The following UBAC1 variants were observed in gnomAD, a reference collection of about 807,000 sequenced individuals.
The protein encoded by UBAC1 is UBA domain containing 1, also known as ubiquitin-associated domain-containing protein 1.
Under a neutral mutation model 45.9 loss-of-function variants are expected in UBAC1, and 27 were observed. The observed-to-expected ratio is 0.59, with a 90% confidence interval of 0.43 to 0.81. UBAC1 has a LOEUF of 0.81. Ranked by LOEUF, UBAC1 falls within the 30% of genes least tolerant of loss-of-function variation. The pLI is 0.00. For missense variants in UBAC1, 529 were observed against 539.2 expected (o/e 0.98, Z 0.19); for synonymous variants, 227 against 215.5 (o/e 1.05, Z -0.47).
At chr9:135,959,817 A>C (rs1243625057) in intron 1 of UBAC1, among the ~76,000 whole-genome samples, 4 of 152,208 alleles carry the variant, frequency 2.6e-5, no homozygotes, top group African/African-American at 4.8e-5. Context: ...ACTGGGGCAG[A>C]AGAAAAGCAA....
chr9:135,938,379 C>A lies in UBAC1; in HGVS notation c.964-19G>T. 1 of 1,611,214 alleles carries A rather than the reference C, an allele frequency of 6.2e-7. No homozygotes were observed. Among genetic ancestry groups the A allele is most frequent in the Non-Finnish European group, 8.5e-7 (1 of 1,179,318 alleles). ...ACTCGCACTGCAAAGCCAAGAGCAC[C>A]AATACCACTGTTAGCGCCTTCAGTG... On this transcript the variant is annotated intron_variant, in intron 8 of 9. Coordinates refer to ENST00000371756, the MANE Select transcript of UBAC1 (RefSeq NM_016172.3).
At position 135,945,219 on chromosome 9, in the gene UBAC1, T is replaced by C; in HGVS notation, c.685A>G (p.Ile229Val). The change falls in exon 7 of 10, where the codon ATT becomes GTT. Residue 229 changes from isoleucine to valine, a missense_variant. Physicochemically the swap from Ile to Val is conservative, Grantham distance 29. Transcript: ENST00000371756. ...ATGGTCGGGTCTTCTGCGTGTTCAA[T>C]TAGCCACTCCATGGCCTGAGGCACC... ...MSVPQAMEWL[I>V]EHAEDPTIDT... The C allele has an allele frequency of 6.2e-7, 1 of 1,605,260 alleles. No homozygotes were observed. The highest frequency in any genetic ancestry group is 8.5e-7 in the Non-Finnish European group (1 of 1,175,386).
At chr9:135,934,358 C>G (rs1478049794) in intron 9 of UBAC1, among the ~76,000 whole-genome samples, 1 of 152,152 alleles carries the variant, frequency 6.6e-6, no homozygotes, top group Admixed American at 6.5e-5. Flanking sequence ...TCTCCAAAAA[C>G]CACTTTAAAA....
Position 135,945,942 on chromosome 9 carries a change from G to A in UBAC1, c.600C>T (p.Leu200=), listed in dbSNP as rs1259550849. The change falls in exon 6 of 10, where the codon CTC becomes CTT. Residue 200 remains leucine (L), a synonymous_variant. Coordinates refer to ENST00000371756, the MANE Select transcript of UBAC1 (RefSeq NM_016172.3). ...TGTTCTCCGGAAAGCCCATCTCCGTGAGCTGCCGCAGGGCAGCCTCGTCCA... is the reference window on the plus strand; with the variant it reads ...TGTTCTCCGGAAAGCCCATCTCCGTAAGCTGCCGCAGGGCAGCCTCGTCCA... The part of the protein sequence containing the change: ...ERVDEAALRQ[L]TEMGFPENRA... 3 of 1,613,866 alleles carry A rather than the reference G, an allele frequency of 1.9e-6. No homozygotes were observed. The highest frequency in any genetic ancestry group is 4.5e-5 in the East Asian group (2 of 44,896).
At chr9:135,953,358 C>T (rs1318205777) in intron 3 of UBAC1, among the ~76,000 whole-genome samples, 1 of 152,126 alleles carries the variant, frequency 6.6e-6, no homozygotes, top group Non-Finnish European at 1.5e-5. Context: ...TACTCTGTCG[C>T]CAGGCTGGAG....
chr9:135,947,990 C>A, intron 3 of UBAC1, 85 bp from the exon 4 acceptor site: 1 of 1,262,364 alleles, frequency 7.9e-7, no homozygotes. Context: ...GAGCTCTGCC[C>A]AAGAAAGACT....
At chr9:135,950,387 A>C (rs892785175) in intron 3 of UBAC1, among the ~76,000 whole-genome samples, 5 of 152,244 alleles carry the variant, frequency 3.3e-5, no homozygotes, top group African/African-American at 1.2e-4. Flanking sequence ...CGCAGGCCAG[A>C]GGGATCTGGA....
At chr9:135,949,820 C>T (rs895412495) in intron 3 of UBAC1, among the ~76,000 whole-genome samples, 3 of 152,230 alleles carry the variant, frequency 2.0e-5, no homozygotes, top group African/African-American at 2.4e-5. Context: ...TTACATCACG[C>T]GGCACAGCCG....
At chr9:135,941,553 A>G (rs1320428772) in intron 7 of UBAC1, among the ~76,000 whole-genome samples, 1 of 152,212 alleles carries the variant, frequency 6.6e-6, no homozygotes, top group Non-Finnish European at 1.5e-5. Flanking sequence ...ATAGCCTGGA[A>G]TCTACTGAAT....
intron 6 of UBAC1, 154 bp downstream of exon 6, chr9:135,945,735 T>A: frequency 3.2e-6 from 2 of 619,824 alleles, no homozygotes. Flanking sequence ...AAAAACACTT[T>A]GGAGGCACAT....
intron 1 of UBAC1, among the ~76,000 whole-genome samples, chr9:135,957,011 C>CT (rs540335753): frequency 1.3e-3 from 204 of 152,336 alleles, no homozygotes; most frequent in Non-Finnish European, 1.4e-3. Context: ...TGGCAGCTCA[C>CT]TTTCCACCAC....
At chr9:135,949,577 G>T (rs573949341) in intron 3 of UBAC1, among the ~76,000 whole-genome samples, 1 of 152,220 alleles carries the variant, frequency 6.6e-6, no homozygotes, top group Non-Finnish European at 1.5e-5. Flanking sequence ...TACTGCATAC[G>T]GCTGGCACCC....
chr9:135,961,194 AC>A lies in UBAC1; in HGVS notation c.-33del. ...GCCGCCGCAGGGGCCTGCGCCCGCC[AC>A]CCGGGCCCCTGAAGGTCACCGGGAA... On this transcript the variant is annotated 5_prime_UTR_variant, in exon 1 of 10. Transcript: ENST00000371756. 1 of 1,485,984 alleles carries A rather than the reference AC, an allele frequency of 6.7e-7. No individual in the cohort carries two copies. Among genetic ancestry groups the A allele is most frequent in the South Asian group, 1.3e-5 (1 of 79,478 alleles). The allele number at this position is 1,485,984 out of a possible 1,614,324, so 92.0% of individuals were successfully genotyped here.
intron 2 of UBAC1, among the ~76,000 whole-genome samples, chr9:135,954,734 T>C (rs1169316637): frequency 2.0e-5 from 3 of 152,216 alleles, no homozygotes. Flanking sequence ...ATGCAGCTCA[T>C]CCTCGGCCCA....
intron 2 of UBAC1, chr9:135,953,957 G>A: frequency 3.3e-6 from 1 of 307,572 alleles, no homozygotes; most frequent in East Asian, 6.1e-5. Context: ...TGGCCAACAC[G>A]GTGAAACCCC....
chr9:135,938,430 G>A (rs1839225523), intron 8 of UBAC1, 70 bp from the exon 9 acceptor site: 6 of 1,561,366 alleles, frequency 3.8e-6, no homozygotes, highest in Non-Finnish European at 5.2e-6. Context: ...ACCAGCAGCA[G>A]GCATGACAGC....
chr9:135,946,865 G>A (rs1457309773), intron 4 of UBAC1, among the ~76,000 whole-genome samples: 1 of 152,216 alleles, frequency 6.6e-6, no homozygotes, highest in Non-Finnish European at 1.5e-5. Flanking sequence ...CTGGCTACAG[G>A]GCCTAGAGGT....
chr9:135,953,282 AG>A (rs1839428624), intron 3 of UBAC1, among the ~76,000 whole-genome samples: 1 of 152,120 alleles, frequency 6.6e-6, no homozygotes, highest in Non-Finnish European at 1.5e-5. Flanking sequence ...ACTAGTATAG[AG>A]AACTTCTTTA....
chr9:135,961,277 G>C lies in UBAC1; in HGVS notation c.-115C>G. On this transcript the variant is annotated 5_prime_UTR_variant, in exon 1 of 10. Transcript: ENST00000371756. ...CCGCGCGCTCCTTCGCTGGGCCGCC[G>C]CCCCGCCCCGGCTCCCGTCGGCCGG... 1.1e-6 allele frequency: 1 copy of C among 941,662 alleles called. No homozygotes were observed. Among genetic ancestry groups the C allele is most frequent in the Non-Finnish European group, 1.3e-6 (1 of 759,412 alleles). 58.3% of individuals were successfully genotyped at this position (941,662 alleles called of 1,614,324 possible). A position where few individuals can be genotyped will look rare whatever the true frequency, so the allele number is the denominator to read the frequency against.
Sources: gnomAD v4.1 joint callset for allele counts (sites outside exome capture counted in the v4.1 genomes callset) on GRCh38, gnomAD v4.1.1 for gene constraint, MANE v1.5 for transcripts, NCBI Gene and HGNC (gene_info 2026-07-23, HGNC 2026-07-21) for gene names.